Variants in RASGEF1A observed in about 807,000 individuals in gnomAD.
The protein encoded by RASGEF1A is RasGEF domain family member 1A.
In RASGEF1A, 18 loss-of-function variants were observed where a neutral mutation model predicts 56.4. The ratio of observed to expected loss-of-function variants is 0.32; its 90% CI spans 0.22 to 0.47. The LOEUF (loss-of-function observed/expected upper bound fraction) is 0.47, where lower values mean the gene tolerates loss of function less well. Among genes scored for constraint, RASGEF1A ranks in the 20% least tolerant of loss-of-function variants. The probability of loss-of-function intolerance (pLI) is 1.00; values close to 1 mark genes in which losing one functional copy is unlikely to be tolerated. For synonymous variants in RASGEF1A, 245 were observed against 242.6 expected (o/e 1.01, Z -0.09); for missense variants, 422 against 627.1 (o/e 0.67, Z 3.49).
chr10:43,258,402 G>A (rs765808331), intron 1 of RASGEF1A, among the ~76,000 whole-genome samples: 23 of 152,230 alleles, frequency 1.5e-4, no homozygotes, highest in East Asian at 1.2e-3. Flanking sequence ...GTCTAGCCTC[G>A]GTCACCACTT....
intron 1 of RASGEF1A, among the ~76,000 whole-genome samples, chr10:43,247,264 G>A (rs367868133): frequency 6.6e-6 from 1 of 152,218 alleles, no homozygotes; most frequent in African/African-American, 2.4e-5. Context: ...GTAATAACAA[G>A]TGTTACTGAG....
intron 1 of RASGEF1A, among the ~76,000 whole-genome samples, chr10:43,214,935 C>A (rs937244950): frequency 6.6e-6 from 1 of 152,264 alleles, no homozygotes; most frequent in African/African-American, 2.4e-5. Flanking sequence ...CTCACAGGAC[C>A]CAAGAGGCCG....
intron 7 of RASGEF1A, 56 bp from the exon 8 acceptor site, chr10:43,199,250 G>A: frequency 7.2e-7 from 1 of 1,383,380 alleles, no homozygotes; most frequent in East Asian, 2.4e-5. Context: ...CAGGAGCTGG[G>A]GCCGCCGGGC....
chr10:43,207,673 T>C (rs1266715990), intron 1 of RASGEF1A: 1 of 985,312 alleles, frequency 1.0e-6, no homozygotes, highest in Non-Finnish European at 1.2e-6. Flanking sequence ...ACTCATACAA[T>C]GCTCCCTTCA....
At position 43,228,411 on chromosome 10, in the gene RASGEF1A, C is replaced by T. The variant is rs754249776; in HGVS notation, c.-6-22289G>A. Among the ~76,000 whole-genome samples the T allele has an allele frequency of 3.7e-4, 56 of 152,156 alleles. 1 individual carries two copies. Among genetic ancestry groups the T allele is most frequent in the Non-Finnish European group, 1.3e-4 (9 of 68,018 alleles). On this transcript the variant is annotated intron_variant, in intron 1 of 12. Transcript: ENST00000395810. ...GGGAGCAGGACTGTCATTGGAGGTC[C>T]GAATGAAACGGGGTGGGGCCGTGGG...
rs1043313071 is a variant in RASGEF1A, at chr10:43,208,671, G to C, written c.-6-2549C>G. 4 of 985,512 alleles carry C rather than the reference G, an allele frequency of 4.1e-6. No individual in the cohort carries two copies. The African/African-American group carries it at 7.0e-5, about 17-fold the overall frequency. 61.0% of individuals were successfully genotyped at this position (985,512 alleles called of 1,614,324 possible). On this transcript the variant is annotated intron_variant, in intron 1 of 12. Transcript: ENST00000395810. ...TCCTGCCTACCTGGAGACCCACCTG[G>C]GGACACGGCCCAGGGCTAGGTCTCC...
At chr10:43,235,470 GT>G in intron 1 of RASGEF1A, among the ~76,000 whole-genome samples, 1 of 152,230 alleles carries the variant, frequency 6.6e-6, no homozygotes, top group Admixed American at 6.5e-5. Context: ...AGAATCCAGG[GT>G]TTCAACAATG....
rs1403174670 is a variant in RASGEF1A at position 43,196,880 on chromosome 10, A to G, written c.1348+96T>C. Reference sequence around the variant, plus strand: ...CAGCCCTGTGTGGCATGGAGCAGCCAGCAGGCCATCTCCCAGGGCAACCCC... The same window carrying G: ...CAGCCCTGTGTGGCATGGAGCAGCCGGCAGGCCATCTCCCAGGGCAACCCC... On this transcript the variant is annotated intron_variant, in intron 11 of 12. Coordinates refer to ENST00000395810, the MANE Select transcript of RASGEF1A (RefSeq NM_145313.4). This position sits in a 1 kb window ranked among gnomAD's most constrained non-coding sequence, Gnocchi z 4.6. 1 of 1,464,156 alleles carries G rather than the reference A, an allele frequency of 6.8e-7. No individual in the cohort carries two copies. The highest frequency in any genetic ancestry group is 1.9e-5 in the Admixed American group (1 of 53,824). 90.7% of individuals were successfully genotyped at this position (1,464,156 alleles called of 1,614,324 possible). A position where few individuals can be genotyped will look rare whatever the true frequency, so the allele number is the denominator to read the frequency against.
At chr10:43,215,606 G>A (rs1308349617) in intron 1 of RASGEF1A, among the ~76,000 whole-genome samples, 1 of 152,170 alleles carries the variant, frequency 6.6e-6, no homozygotes, top group Admixed American at 6.5e-5. Flanking sequence ...TGAAATTACC[G>A]GCACTGGGGT....
At chr10:43,255,037 C>G (rs1185598638) in intron 1 of RASGEF1A, among the ~76,000 whole-genome samples, 1 of 152,148 alleles carries the variant, frequency 6.6e-6, no homozygotes, top group African/African-American at 2.4e-5. Flanking sequence ...GAGAGGAAAC[C>G]GGGAAGTGTG....
At chr10:43,263,661 C>G (rs1398654457) in intron 1 of RASGEF1A, among the ~76,000 whole-genome samples, 5 of 152,284 alleles carry the variant, frequency 3.3e-5, no homozygotes, top group African/African-American at 1.2e-4. Flanking sequence ...CTGGGCAGCA[C>G]AGGCCGGCAG....
At chr10:43,207,391 A>AACACACACACACACACACACACAC (rs3071764) in intron 1 of RASGEF1A, 1 of 802,606 alleles carries the variant, frequency 1.2e-6, no homozygotes, top group African/African-American at 2.2e-5. Flanking sequence ...CCCCCACGTC[A>AACACACACACACACACACACACAC]ACACACACAC....
intron 1 of RASGEF1A, among the ~76,000 whole-genome samples, chr10:43,221,731 A>C (rs1840211279): frequency 1.3e-5 from 2 of 152,214 alleles, no homozygotes; most frequent in South Asian, 4.1e-4. Flanking sequence ...GCTGCATTCT[A>C]GCCCCTGCAA....
At chr10:43,239,974 G>T (rs1028527794) in intron 1 of RASGEF1A, among the ~76,000 whole-genome samples, 3 of 152,216 alleles carry the variant, frequency 2.0e-5, no homozygotes, top group Non-Finnish European at 4.4e-5. Context: ...AAAAACTGCA[G>T]TGCATTCCTG....
At chr10:43,217,129 G>T (rs934633432) in intron 1 of RASGEF1A, among the ~76,000 whole-genome samples, 3 of 152,182 alleles carry the variant, frequency 2.0e-5, no homozygotes, top group Non-Finnish European at 4.4e-5. Context: ...GAGCACAAGC[G>T]AGGGGAGCCG....
At chr10:43,207,266 G>A in intron 1 of RASGEF1A, 1 of 985,518 alleles carries the variant, frequency 1.0e-6, no homozygotes, top group Non-Finnish European at 1.2e-6. Flanking sequence ...TTTGGCCTTA[G>A]TTTCCCCACT....
intron 1 of RASGEF1A, among the ~76,000 whole-genome samples, chr10:43,225,422 T>C (rs961458412): frequency 6.6e-6 from 1 of 151,874 alleles, no homozygotes; most frequent in African/African-American, 2.4e-5. Flanking sequence ...TGTGTCTCTG[T>C]GTCTGTGTCT....
chr10:43,207,961 G>T, intron 1 of RASGEF1A: 1 of 867,354 alleles, frequency 1.2e-6, no homozygotes, highest in Non-Finnish European at 1.4e-6. Flanking sequence ...AACCTAGACT[G>T]TTGACCCACA....
chr10:43,201,019 AGCCTTCAG>A, intron 4 of RASGEF1A, 131 bp from the exon 5 acceptor site: 1 of 773,026 alleles, frequency 1.3e-6, no homozygotes, highest in Non-Finnish European at 2.1e-6. Context: ...TCTAAACCGC[AGCCTTCAG>A]GCCTTCAAGG....
Sources: gnomAD v4.1 joint callset for allele counts (sites outside exome capture counted in the v4.1 genomes callset) on GRCh38, gnomAD v4.1.1 for gene constraint, Gnocchi (gnomAD v3.1) non-coding constraint, MANE v1.5 for transcripts, NCBI Gene and HGNC (gene_info 2026-07-23, HGNC 2026-07-21) for gene names.